The following TDP1 variants were observed in gnomAD, a reference collection of about 807,000 sequenced individuals.
The protein encoded by TDP1 is tyr-DNA phosphodiesterase 1.
Under a neutral mutation model 81.5 loss-of-function variants are expected in TDP1, and 64 were observed. The observed-to-expected ratio is 0.79, with a 90% CI of 0.64 to 0.97. The LOEUF is 0.97. Ranked by LOEUF, TDP1 falls within the 50% of genes least tolerant of loss-of-function variation. The pLI, the probability that TDP1 is intolerant of heterozygous loss-of-function variation, is 0.00. For synonymous variants in TDP1, 256 were observed against 264.3 expected (o/e 0.97, Z 0.30); for missense variants, 723 against 743.8 (o/e 0.97, Z 0.33).
intron 15 of TDP1, among the ~76,000 whole-genome samples, chr14:90,027,795 T>C (rs1030547415): frequency 6.6e-6 from 1 of 152,202 alleles, no homozygotes; most frequent in Non-Finnish European, 1.5e-5. Context: ...ACAATGTAAC[T>C]CATAGGATCT....
chr14:89,967,494 C>T, intron 5 of TDP1, 72 bp downstream of exon 5: 14 of 1,274,724 alleles, frequency 1.1e-5, no homozygotes, highest in Middle Eastern at 1.8e-4. Context: ...TTGTATTTCT[C>T]AGGTGAAAGC....
intron 14 of TDP1, among the ~76,000 whole-genome samples, chr14:90,016,312 G>A (rs1885306260): frequency 6.6e-6 from 1 of 151,930 alleles, no homozygotes; most frequent in South Asian, 2.1e-4. Context: ...CAAAGTGCTG[G>A]GATTACAGGT....
chr14:90,036,816 T>A (rs1290330052), intron 16 of TDP1, among the ~76,000 whole-genome samples: 47 of 131,596 alleles, frequency 3.6e-4, no homozygotes, highest in African/African-American at 1.2e-3. Flanking sequence ...CCCCGCCCCT[T>A]AAAAAAAAAA....
chr14:89,969,882 T>C (rs1402980564), intron 5 of TDP1, among the ~76,000 whole-genome samples: 3 of 146,874 alleles, frequency 2.0e-5, no homozygotes, highest in African/African-American at 7.5e-5. Flanking sequence ...ATTTCTTTTT[T>C]TTTTTTTTTT....
chr14:89,998,371 A>ATT lies in TDP1; in HGVS notation c.1541+4889_1541+4890dup, dbSNP rs1555390499. ...CAGTTCCAGGCACAGTTCCAAGCAC[A>ATT]TTATATATATATATATATATATATA... On this transcript the variant is annotated intron_variant, in intron 14 of 16. Coordinates refer to ENST00000335725, the MANE Select transcript of TDP1 (RefSeq NM_018319.4). Among the ~76,000 whole-genome samples the ATT allele has an allele frequency of 3.0e-3, 235 of 77,476 alleles. 2 individuals are homozygous for ATT. Among genetic ancestry groups the ATT allele is most frequent in the African/African-American group, 0.017 (215 of 12,590 alleles). The allele number at this position is 77,476 out of a possible 152,430, so 50.8% of individuals were successfully genotyped here.
At chr14:90,018,863 A>G in intron 14 of TDP1, 1 of 486,766 alleles carries the variant, frequency 2.1e-6, no homozygotes, top group Non-Finnish European at 2.7e-6. Flanking sequence ...CTTCACATTG[A>G]AAGTAGAAAT....
chr14:89,971,351 T>C (rs2140008101), intron 6 of TDP1, 80 bp downstream of exon 6: 2 of 1,035,278 alleles, frequency 1.9e-6, no homozygotes, highest in Middle Eastern at 2.4e-4. Context: ...CCCTCTCACT[T>C]AGTGCAGAAA....
intron 5 of TDP1, among the ~76,000 whole-genome samples, chr14:89,968,102 GACATTA>G (rs1893161060): frequency 6.6e-6 from 1 of 150,684 alleles, no homozygotes; most frequent in Admixed American, 6.6e-5. Context: ...GGAAACCTTT[GACATTA>G]ACAGTAGATA....
At chr14:89,957,449 C>T (rs1891794415) in intron 2 of TDP1, among the ~76,000 whole-genome samples, 1 of 152,200 alleles carries the variant, frequency 6.6e-6, no homozygotes, top group Non-Finnish European at 1.5e-5. Context: ...CCCAAGTGCA[C>T]ATTTACTCCC....
intron 1 of TDP1, chr14:89,956,297 T>G (rs533761667): frequency 6.6e-6 from 1 of 152,204 alleles, no homozygotes; most frequent in Non-Finnish European, 1.5e-5. Flanking sequence ...TCCCAGAAAG[T>G]GAGTAGGAAA....
At chr14:90,041,193 T>C (rs1888317665) in intron 16 of TDP1, among the ~76,000 whole-genome samples, 1 of 152,058 alleles carries the variant, frequency 6.6e-6, no homozygotes, top group African/African-American at 2.4e-5. Flanking sequence ...ATAACAGAAG[T>C]CCAAGCACAG....
intron 16 of TDP1, among the ~76,000 whole-genome samples, chr14:90,033,971 G>A (rs1887570946): frequency 6.6e-6 from 1 of 152,098 alleles, no homozygotes; most frequent in Non-Finnish European, 1.5e-5. Context: ...GATGGCTGAG[G>A]TAGAAGAATC....
chr14:89,958,632 A>C (rs965065940), intron 2 of TDP1, among the ~76,000 whole-genome samples: 1 of 152,248 alleles, frequency 6.6e-6, no homozygotes, highest in Non-Finnish European at 1.5e-5. Flanking sequence ...GGAAGGGTAG[A>C]TATATGTAAA....
chr14:89,977,785 G>A (rs1466968966), intron 7 of TDP1, among the ~76,000 whole-genome samples: 1 of 152,114 alleles, frequency 6.6e-6, no homozygotes, highest in Admixed American at 6.6e-5. Flanking sequence ...ACCTCACAGG[G>A]TAGAGCTAGA....
intron 16 of TDP1, among the ~76,000 whole-genome samples, chr14:90,040,747 C>G (rs901400790): frequency 1.3e-5 from 2 of 152,238 alleles, no homozygotes; most frequent in African/African-American, 4.8e-5. Flanking sequence ...AGTATTAATG[C>G]TGATTTCCAG....
intron 7 of TDP1, among the ~76,000 whole-genome samples, chr14:89,979,186 A>G (rs11846794): frequency 0.056 from 8,553 of 152,236 alleles, 516 homozygotes; most frequent in African/African-American, 0.15. Flanking sequence ...TAGATTCCTG[A>G]AATATTGAAA....
intron 3 of TDP1, 119 bp from the exon 4 acceptor site, chr14:89,966,028 A>G (rs1892903171): frequency 1.0e-6 from 1 of 984,372 alleles, no homozygotes; most frequent in Non-Finnish European, 1.6e-6. Context: ...GTAACTGTTT[A>G]GCTTACTGTG....
chr14:89,974,513 A>G (rs1894037009), intron 6 of TDP1, among the ~76,000 whole-genome samples: 1 of 152,198 alleles, frequency 6.6e-6, no homozygotes, highest in African/African-American at 2.4e-5. Context: ...GTTGTAACTC[A>G]CCTGTGTATT....
chr14:90,002,936 TTTTA>T (rs1402145422), intron 14 of TDP1, among the ~76,000 whole-genome samples: 3 of 151,988 alleles, frequency 2.0e-5, no homozygotes, highest in Non-Finnish European at 2.9e-5. Flanking sequence ...GTTATTTTTA[TTTTA>T]TTTATTTATT....
Sources: allele counts gnomAD v4.1 joint callset (sites outside exome capture counted in the v4.1 genomes callset), GRCh38; gene constraint gnomAD v4.1.1; transcripts MANE v1.5; gene names NCBI Gene and HGNC (gene_info 2026-07-23, HGNC 2026-07-21).